The following DYSF variants were observed in gnomAD, a reference collection of about 807,000 sequenced individuals.
DYSF encodes dystrophy-associated fer-1-like 1.
DYSF carries 212 observed loss-of-function variants against 274.9 expected under a neutral mutation model. That is an observed-to-expected ratio of 0.77 (90% CI 0.69 to 0.86). DYSF has a LOEUF of 0.86. Among genes scored for constraint, DYSF ranks in the 40% least tolerant of loss-of-function variants. The pLI is 0.00. For synonymous variants in DYSF, 1,091 were observed against 1,078.7 expected, an observed-to-expected ratio of 1.01 and a Z score of -0.22; for missense variants, 2,666 against 2,783.2, an observed-to-expected ratio of 0.96 and a Z score of 0.95.
chr2:71,637,238 G>C (rs1163830456), intron 41 of DYSF, among the ~76,000 whole-genome samples: 1 of 152,140 alleles, frequency 6.6e-6, no homozygotes, highest in Non-Finnish European at 1.5e-5. Flanking sequence ...GGTGACACAG[G>C]AGAGGGTGAG....
chr2:71,673,627 A>C (rs2095168875), intron 51 of DYSF, among the ~76,000 whole-genome samples: 1 of 152,074 alleles, frequency 6.6e-6, no homozygotes, highest in African/African-American at 2.4e-5. Context: ...CCCCACCCTG[A>C]CCCTGAGATG....
At chr2:71,666,084 C>T (rs1192593321) in intron 47 of DYSF, among the ~76,000 whole-genome samples, 4 of 149,720 alleles carry the variant, frequency 2.7e-5, no homozygotes, top group Admixed American at 6.7e-5. Flanking sequence ...TCTCCCAGGT[C>T]ATGGCTGAGC....
chr2:71,526,327 G>A lies in DYSF; in HGVS notation c.1257G>A (p.Arg419=). The A allele has an allele frequency of 1.2e-6, 2 of 1,614,094 alleles. No individual in the cohort carries two copies. Among genetic ancestry groups the A allele is most frequent in the Non-Finnish European group, 1.7e-6 (2 of 1,179,970 alleles). ...RGAHFCLKVF[R]AEDLPQMDDA... ...CCCACTTCTGCCTGAAGGTCTTCCG[G>A]GCCGAGGACTTGCCGCAGAGTGCGT... The change falls in exon 13 of 56, where the codon CGG becomes CGA. Residue 419 remains arginine (R), a synonymous_variant. Transcript: ENST00000410020.
At chr2:71,534,502 T>C (rs946150151) in intron 14 of DYSF, among the ~76,000 whole-genome samples, 3 of 152,156 alleles carry the variant, frequency 2.0e-5, no homozygotes, top group African/African-American at 4.8e-5. Context: ...GACTATGGCT[T>C]ATAGGGTTTG....
At chr2:71,570,549 G>C in intron 28 of DYSF, 50 bp from the exon 29 acceptor site, 1 of 1,606,898 alleles carries the variant, frequency 6.2e-7, no homozygotes, top group Non-Finnish European at 8.5e-7. Flanking sequence ...GGTCCCAGGA[G>C]AGATGGGGGG....
rs562442569 is a variant in DYSF at position 71,485,067 on chromosome 2, G to A, written c.239+3097G>A. Among the ~76,000 whole-genome samples, 13 of 152,272 alleles carry A rather than the reference G, an allele frequency of 8.5e-5. No individual in the cohort carries two copies. In the South Asian group the frequency reaches 1.7e-3, roughly 19 times the overall value. On this transcript the variant is annotated intron_variant, in intron 3 of 55. Transcript: ENST00000410020. ...GACAGCCAATTCACCAACCTCACCC[G>A]TTTACCAGAAACACCTTTCTTATAA...
At chr2:71,525,203 G>C (rs1439795139) in intron 12 of DYSF, among the ~76,000 whole-genome samples, 1 of 151,786 alleles carries the variant, frequency 6.6e-6, no homozygotes, top group East Asian at 1.9e-4. Flanking sequence ...TCCCAGGTGA[G>C]TCTTTTCTTT....
intron 43 of DYSF, among the ~76,000 whole-genome samples, chr2:71,656,947 C>A (rs1407872445): frequency 1.3e-5 from 2 of 152,150 alleles, no homozygotes; most frequent in Admixed American, 6.5e-5. Flanking sequence ...CTCATGTTCT[C>A]ACATTTCAAA....
intron 17 of DYSF, among the ~76,000 whole-genome samples, chr2:71,543,052 C>G (rs1269534788): frequency 6.6e-6 from 1 of 151,494 alleles, no homozygotes; most frequent in Non-Finnish European, 1.5e-5. Flanking sequence ...GGGGCTGCCC[C>G]CCACCTCCCG....
intron 1 of DYSF, among the ~76,000 whole-genome samples, chr2:71,470,866 A>T (rs1323034490): frequency 6.9e-6 from 1 of 145,446 alleles, no homozygotes; most frequent in African/African-American, 2.6e-5. Flanking sequence ...TTGTCGGCTC[A>T]TTGCAACCGC....
At chr2:71,545,492 A>G (rs1054849535) in intron 17 of DYSF, among the ~76,000 whole-genome samples, 1 of 152,144 alleles carries the variant, frequency 6.6e-6, no homozygotes, top group East Asian at 1.9e-4. Flanking sequence ...CCCCTTCACT[A>G]ATTGCTGTTC....
chr2:71,470,931 A>C (rs879783548), intron 1 of DYSF, among the ~76,000 whole-genome samples: 27 of 151,452 alleles, frequency 1.8e-4, no homozygotes, highest in Non-Finnish European at 3.7e-4. Context: ...AGCTGGGATT[A>C]CAGGCACCTG....
chr2:71,629,877 G>A (rs2094283401), intron 41 of DYSF, among the ~76,000 whole-genome samples: 1 of 152,136 alleles, frequency 6.6e-6, no homozygotes, highest in African/African-American at 2.4e-5. Flanking sequence ...TGAAGTCATG[G>A]TTTTCATCAT....
At position 71,686,555 on chromosome 2, in the gene DYSF, C is replaced by T; in HGVS notation, c.*63C>T. 1 of 1,597,198 alleles carries T rather than the reference C, an allele frequency of 6.3e-7. No homozygotes were observed. Among genetic ancestry groups the T allele is most frequent in the East Asian group, 2.2e-5 (1 of 44,786 alleles). On this transcript the variant is annotated 3_prime_UTR_variant, in exon 56 of 56. Coordinates refer to ENST00000410020, the MANE Select transcript of DYSF (RefSeq NM_001130987.2). ...CTCCAGCATGGGACTGGCCTGCCTC[C>T]TCCGCCCAGCTCGGCGAGCTCCTCC... is the stretch of plus-strand genomic sequence containing the variant.
At position 71,655,664 on chromosome 2, in the gene DYSF, C is replaced by G. The variant is rs555846661; in HGVS notation, c.4627-498C>G. On this transcript the variant is annotated intron_variant, in intron 42 of 55. Coordinates refer to ENST00000410020, the MANE Select transcript of DYSF (RefSeq NM_001130987.2). ...ATTTGATACCATTGTCATTGGATAT[C>G]CTGTATGTGAACATTTTTACTTGAA... 5.3e-5 allele frequency among the ~76,000 whole-genome samples: 8 copies of G among 152,324 alleles called. No homozygotes were observed. In the East Asian group the frequency reaches 1.5e-3, roughly 29 times the overall value.
chr2:71,500,139 C>T (rs550113530), intron 3 of DYSF, among the ~76,000 whole-genome samples: 2 of 152,284 alleles, frequency 1.3e-5, no homozygotes, highest in East Asian at 3.9e-4. Context: ...AAAGCCACAT[C>T]TCCTCCATCC....
chr2:71,654,238 T>A (rs2434043), intron 42 of DYSF, among the ~76,000 whole-genome samples: 106,718 of 152,094 alleles, frequency 0.7, 37,544 homozygotes, highest in Middle Eastern at 0.74. Flanking sequence ...AAGCTAAAAA[T>A]GGGTGAAAGT....
chr2:71,510,240 G>A (rs1457226280), intron 4 of DYSF, among the ~76,000 whole-genome samples: 1 of 152,220 alleles, frequency 6.6e-6, no homozygotes, highest in Non-Finnish European at 1.5e-5. Context: ...AAAGTCCCAG[G>A]ACAGTTGTTA....
chr2:71,520,264 G>C, intron 11 of DYSF, 56 bp downstream of exon 11: 1 of 1,585,804 alleles, frequency 6.3e-7, no homozygotes, highest in Non-Finnish European at 8.7e-7. Flanking sequence ...AGGCTGATTG[G>C]GGACACTCAT....
Sources: gnomAD v4.1 joint callset for allele counts (sites outside exome capture counted in the v4.1 genomes callset) on GRCh38, gnomAD v4.1.1 for gene constraint, MANE v1.5 for transcripts, NCBI Gene and HGNC (gene_info 2026-07-23, HGNC 2026-07-21) for gene names.